Variants in RYR2 observed in about 807,000 individuals in gnomAD.
RYR2 encodes the protein cardiac muscle ryanodine receptor-calcium release channel.
RYR2 carries 227 observed loss-of-function variants against 601.1 expected under a neutral mutation model. That is an observed-to-expected ratio of 0.38 (90% CI 0.34 to 0.42). RYR2 has a LOEUF of 0.42. Among genes scored for constraint, RYR2 ranks in the 10% least tolerant of loss-of-function variants. RYR2 has a pLI of 1.00. For missense variants in RYR2, 4,646 were observed against 6,156.5 expected (o/e 0.75, Z 8.21); for synonymous variants, 2,223 against 2,175.1 (o/e 1.02, Z -0.61).
chr1:237,263,624 T>C (rs1572401324), intron 1 of RYR2, among the ~76,000 whole-genome samples: 1 of 152,194 alleles, frequency 6.6e-6, no homozygotes, highest in Admixed American at 6.5e-5. Context: ...TCAAGATGTT[T>C]GTATGGGAGG....
intron 25 of RYR2, among the ~76,000 whole-genome samples, chr1:237,541,893 G>A (rs1390507136): frequency 5.9e-5 from 9 of 152,048 alleles, no homozygotes; most frequent in Non-Finnish European, 1.2e-4. Flanking sequence ...TTTTGTGGTG[G>A]AATGTCATCA....
At chr1:237,126,796 T>A (rs1269834061) in intron 1 of RYR2, among the ~76,000 whole-genome samples, 1 of 152,066 alleles carries the variant, frequency 6.6e-6, no homozygotes, top group African/African-American at 2.4e-5. Context: ...TTTTTAAATT[T>A]ATTTTTTATT....
At chr1:237,101,049 G>A (rs1558233589) in intron 1 of RYR2, among the ~76,000 whole-genome samples, 1 of 151,984 alleles carries the variant, frequency 6.6e-6, no homozygotes, top group African/African-American at 2.4e-5. Flanking sequence ...GCCGCATGAC[G>A]GTGCTTTCCT....
At chr1:237,163,353 C>T (rs1676251763) in intron 1 of RYR2, among the ~76,000 whole-genome samples, 1 of 66,550 alleles carries the variant, frequency 1.5e-5, no homozygotes, top group Non-Finnish European at 3.9e-5. Context: ...CCCCAACCCC[C>T]TACCCCCCCC....
intron 1 of RYR2, among the ~76,000 whole-genome samples, chr1:237,122,281 C>G (rs1462639220): frequency 1.3e-5 from 2 of 152,188 alleles, no homozygotes; most frequent in Admixed American, 6.5e-5. Context: ...AAAGAGGGTT[C>G]CTCAGTAAGG....
intron 3 of RYR2, chr1:237,341,545 TC>T: frequency 2.2e-6 from 1 of 451,618 alleles, no homozygotes; most frequent in Admixed American, 2.3e-5. Flanking sequence ...TGCCTTCCTA[TC>T]CCCATTAGAG....
At chr1:237,295,189 A>T (rs1692632456) in intron 2 of RYR2, among the ~76,000 whole-genome samples, 1 of 152,096 alleles carries the variant, frequency 6.6e-6, no homozygotes. Context: ...GCTCCACTGC[A>T]CTTCAGCCTG....
chr1:237,367,052 G>A (rs1001141592), intron 5 of RYR2, among the ~76,000 whole-genome samples: 2 of 151,956 alleles, frequency 1.3e-5, no homozygotes, highest in Admixed American at 6.6e-5. Flanking sequence ...TTTCTTCTCA[G>A]TTATGTGAAA....
At chr1:237,412,596 T>C (rs1704559821) in intron 10 of RYR2, among the ~76,000 whole-genome samples, 1 of 152,212 alleles carries the variant, frequency 6.6e-6, no homozygotes, top group Non-Finnish European at 1.5e-5. Context: ...ATACTCTTTT[T>C]CTCAGTAGCT....
At chr1:237,379,776 G>A (rs1292794552) in intron 8 of RYR2, among the ~76,000 whole-genome samples, 1 of 152,052 alleles carries the variant, frequency 6.6e-6, no homozygotes, top group East Asian at 1.9e-4. Flanking sequence ...GCCACACCTT[G>A]CCCAGCCTGT....
intron 60 of RYR2, 97 bp downstream of exon 60, chr1:237,674,943 G>A: frequency 1.5e-6 from 1 of 651,278 alleles, no homozygotes; most frequent in Non-Finnish European, 2.7e-6. Flanking sequence ...TGAGCTATTT[G>A]TGATGGTATA....
At chr1:237,269,052 T>TG (rs985906541) in intron 1 of RYR2, among the ~76,000 whole-genome samples, 2 of 141,386 alleles carry the variant, frequency 1.4e-5, no homozygotes, top group African/African-American at 5.8e-5. Flanking sequence ...CTTTTTTTTT[T>TG]TTTTTGTGAG....
intron 1 of RYR2, among the ~76,000 whole-genome samples, chr1:237,194,639 A>T (rs1454463872): frequency 6.6e-6 from 1 of 152,192 alleles, no homozygotes; most frequent in Admixed American, 6.5e-5. Context: ...CCTGACCCAG[A>T]GGCGGGTCCA....
chr1:237,432,443 A>G (rs1029306965), intron 12 of RYR2, among the ~76,000 whole-genome samples: 1 of 152,178 alleles, frequency 6.6e-6, no homozygotes, highest in African/African-American at 2.4e-5. Context: ...GGGAATGGAA[A>G]GAAAATTCTT....
rs1663531446 is a variant in RYR2, at chr1:237,492,835, G to GGAAGGAAGGAAGGAAGGAAA, written c.1828-100_1828-99insAGAAGGAAGGAAGGAAGGAA. 7.1e-6 allele frequency: 6 copies of GGAAGGAAGGAAGGAAGGAAA among 841,068 alleles called. No homozygotes were observed. The East Asian group carries it at 1.7e-4, about 24-fold the overall frequency. 52.1% of individuals were successfully genotyped at this position (841,068 alleles called of 1,614,324 possible). A position where few individuals can be genotyped will look rare whatever the true frequency, so the allele number is the denominator to read the frequency against. The stretch of plus-strand genomic sequence containing the variant: ...TGAGATGCTGTCTGAAAGGAAGGAA[G>GGAAGGAAGGAAGGAAGGAAA]GAAGGAAGGAAGGAAGGAAGGAAGG... On this transcript the variant is annotated intron_variant, in intron 18 of 104. Coordinates refer to ENST00000366574, the MANE Select transcript of RYR2 (RefSeq NM_001035.3).
intron 88 of RYR2, among the ~76,000 whole-genome samples, chr1:237,780,831 G>A (rs1414586101): frequency 6.6e-6 from 1 of 151,914 alleles, no homozygotes; most frequent in Admixed American, 6.6e-5. Context: ...ATCTTCTATG[G>A]TGCTTATATG....
rs761374378 is a variant in RYR2, at chr1:237,726,266, C to T, written c.10690-7C>T. The T allele has an allele frequency of 1.3e-6, 2 of 1,569,438 alleles. No individual in the cohort carries two copies. The highest frequency in any genetic ancestry group is 1.8e-5 in the Admixed American group (1 of 55,854). On this transcript the variant is annotated splice_polypyrimidine_tract_variant and splice_region_variant and intron_variant, in intron 74 of 104. Coordinates refer to ENST00000366574, the MANE Select transcript of RYR2 (RefSeq NM_001035.3). ...TTTAGCTAACATAACATTTTTATTT[C>T]TTTCAGAAGTCTAAACGTGTGGGTC... is the stretch of plus-strand genomic sequence containing the variant.
chr1:237,086,990 T>C (rs1666408180), intron 1 of RYR2, among the ~76,000 whole-genome samples: 1 of 152,222 alleles, frequency 6.6e-6, no homozygotes. Context: ...TGGCTTGTTG[T>C]GCCAGAGAGT....
chr1:237,750,767 G>GATGCT (rs1692476427), intron 80 of RYR2, among the ~76,000 whole-genome samples: 1 of 152,110 alleles, frequency 6.6e-6, no homozygotes, highest in South Asian at 2.1e-4. Context: ...CAGTTGTGCA[G>GATGCT]ATGCTACCTG....
Sources: allele counts gnomAD v4.1 joint callset (sites outside exome capture counted in the v4.1 genomes callset), GRCh38; gene constraint gnomAD v4.1.1; transcripts MANE v1.5; gene names NCBI Gene and HGNC (gene_info 2026-07-23, HGNC 2026-07-21).